GLRA2: variants seen among roughly 807,000 people sequenced by gnomAD.
GLRA2 encodes glycine receptor subunit alpha-2.
GLRA2 carries 11 observed loss-of-function variants against 31.6 expected under a neutral mutation model. The ratio of observed to expected loss-of-function variants is 0.35; its 90% CI spans 0.22 to 0.58. The LOEUF is 0.58. Among genes scored for constraint, GLRA2 ranks in the 20% least tolerant of loss-of-function variants. The pLI is 0.84. For missense variants in GLRA2, 212 were observed against 351.8 expected (o/e 0.60, Z 3.18); for synonymous variants, 132 against 134.0 (o/e 0.99, Z 0.10).
chrX:14,704,782 C>T (rs1675728937), intron 8 of GLRA2, among the ~76,000 whole-genome samples: 2 of 112,182 alleles, frequency 1.8e-5, no homozygotes, highest in Non-Finnish European at 3.8e-5. Flanking sequence ...TTTTTGAATG[C>T]TTGCCTTGTA....
At chrX:14,565,217 A>G (rs2089787090) in intron 2 of GLRA2, among the ~76,000 whole-genome samples, 1 of 112,116 alleles carries the variant, frequency 8.9e-6, no homozygotes, top group Non-Finnish European at 1.9e-5. Flanking sequence ...ACTATATGCT[A>G]TCTACAAGAG....
At chrX:14,647,100 C>T (rs956385511) in intron 7 of GLRA2, among the ~76,000 whole-genome samples, 11 of 111,821 alleles carry the variant, frequency 9.8e-5, no homozygotes, top group African/African-American at 3.2e-4. Context: ...TCTAATTAAA[C>T]ACAGAGAAAA....
chrX:14,725,265 C>A (rs1445730132), intron 8 of GLRA2, among the ~76,000 whole-genome samples: 1 of 111,782 alleles, frequency 8.9e-6, no homozygotes, highest in African/African-American at 3.2e-5. Flanking sequence ...GAAATTGAAG[C>A]CTTAACAGTT....
At chrX:14,686,076 A>T (rs1327952306) in intron 7 of GLRA2, among the ~76,000 whole-genome samples, 1 of 111,876 alleles carries the variant, frequency 8.9e-6, no homozygotes, top group African/African-American at 3.2e-5. Context: ...TGTACCCAGT[A>T]GTCATTCAGG....
At chrX:14,557,357 C>A (rs1270630441) in intron 2 of GLRA2, among the ~76,000 whole-genome samples, 2 of 110,106 alleles carry the variant, frequency 1.8e-5, no homozygotes, top group African/African-American at 6.6e-5. Context: ...CCTCGTGATC[C>A]GCCCGCCTCG....
At chrX:14,548,666 G>A (rs2089513687) in intron 2 of GLRA2, among the ~76,000 whole-genome samples, 1 of 111,622 alleles carries the variant, frequency 9.0e-6, no homozygotes, top group African/African-American at 3.2e-5. Flanking sequence ...GATGGATAGT[G>A]ACATCTAACT....
intron 8 of GLRA2, among the ~76,000 whole-genome samples, chrX:14,697,227 G>A (rs2091461827): frequency 8.9e-6 from 1 of 112,107 alleles, no homozygotes; most frequent in African/African-American, 3.2e-5. Context: ...ATACAGCCCA[G>A]TTTACCTGGG....
chrX:14,559,794 C>T (rs955228381), intron 2 of GLRA2, among the ~76,000 whole-genome samples: 2 of 107,803 alleles, frequency 1.9e-5, no homozygotes, highest in East Asian at 6.1e-4. Flanking sequence ...GGCACGATCT[C>T]GACTCACAGC....
At chrX:14,619,732 C>T (rs965221087) in intron 7 of GLRA2, among the ~76,000 whole-genome samples, 3 of 110,851 alleles carry the variant, frequency 2.7e-5, no homozygotes, top group Non-Finnish European at 5.7e-5. Flanking sequence ...GCAACACTAT[C>T]ATTTATATCA....
At chrX:14,649,324 ATGTT>A (rs1343020351) in intron 7 of GLRA2, among the ~76,000 whole-genome samples, 1 of 111,920 alleles carries the variant, frequency 8.9e-6, no homozygotes, top group Non-Finnish European at 1.9e-5. Flanking sequence ...TTGTATATGA[ATGTT>A]CAGAGTAGTA....
Position 14,536,351 on chromosome X carries a change from G to A in GLRA2, c.202+3979G>A, listed in dbSNP as rs765377780. Among the ~76,000 whole-genome samples, 11 of 111,723 alleles carry A rather than the reference G, an allele frequency of 9.8e-5. No homozygotes were observed. The South Asian group carries it at 3.4e-3, about 34-fold the overall frequency. On this transcript the variant is annotated intron_variant, in intron 2 of 8. Coordinates refer to ENST00000218075, the MANE Select transcript of GLRA2 (RefSeq NM_002063.4). Reference sequence around the variant, plus strand: ...CTGTAGAAGGTGCTTGAGCACAAGCGTCCACCAGGGACACTTGGAAAGGGT... The same window carrying A: ...CTGTAGAAGGTGCTTGAGCACAAGCATCCACCAGGGACACTTGGAAAGGGT...
At chrX:14,604,539 C>A in intron 5 of GLRA2, 142 bp downstream of exon 5, 3 of 270,133 alleles carry the variant, frequency 1.1e-5, no homozygotes, top group Admixed American at 5.1e-5. Context: ...GAAAGACAAA[C>A]CAAAGTGTGT....
chrX:14,573,100 G>A (rs930652822), intron 2 of GLRA2, among the ~76,000 whole-genome samples: 20 of 111,614 alleles, frequency 1.8e-4, no homozygotes, highest in African/African-American at 6.2e-4. Flanking sequence ...CACAATTACT[G>A]TTTCATTAAA....
intron 2 of GLRA2, among the ~76,000 whole-genome samples, chrX:14,552,898 G>T (rs1458860687): frequency 1.8e-5 from 2 of 111,809 alleles, no homozygotes; most frequent in Non-Finnish European, 3.8e-5. Flanking sequence ...ACCCTATTCT[G>T]TTTCATTAGC....
intron 2 of GLRA2, among the ~76,000 whole-genome samples, chrX:14,569,523 A>G (rs1288486534): frequency 8.9e-6 from 1 of 112,039 alleles, no homozygotes; most frequent in Non-Finnish European, 1.9e-5. Context: ...GCTCAATGTC[A>G]TTACTCATTA....
At chrX:14,475,580 A>G in the GLRA2 span, among the ~76,000 whole-genome samples, 1 of 111,217 alleles carries the variant, frequency 9.0e-6, no homozygotes, top group African/African-American at 3.3e-5. Flanking sequence ...TCACATACCC[A>G]TGTTCTTCTT....
At chrX:14,486,821 C>T in the GLRA2 span, among the ~76,000 whole-genome samples, 1 of 111,750 alleles carries the variant, frequency 8.9e-6, no homozygotes, top group African/African-American at 3.3e-5. Context: ...TCAAAGAATG[C>T]ATACAGTATA....
At chrX:14,617,427 G>T (rs183062286) in intron 7 of GLRA2, among the ~76,000 whole-genome samples, 1 of 111,540 alleles carries the variant, frequency 9.0e-6, no homozygotes, top group East Asian at 2.9e-4. Flanking sequence ...TTTACAAAAT[G>T]GCTATAATAA....
At chrX:14,485,019 A>T in the GLRA2 span, among the ~76,000 whole-genome samples, 1 of 112,554 alleles carries the variant, frequency 8.9e-6, no homozygotes, top group African/African-American at 3.2e-5. Context: ...TAAAAATGTT[A>T]TCCTCTTGGA....
Sources: allele counts gnomAD v4.1 joint callset (sites outside exome capture counted in the v4.1 genomes callset), GRCh38; gene constraint gnomAD v4.1.1; transcripts MANE v1.5; gene names NCBI Gene and HGNC (gene_info 2026-07-23, HGNC 2026-07-21).